The following GIGYF2 variants were observed in gnomAD, a reference collection of about 807,000 sequenced individuals.
GIGYF2 encodes GRB10-interacting GYF protein 2.
GIGYF2 carries 25 observed loss-of-function variants against 208.1 expected under a neutral mutation model. The observed-to-expected ratio is 0.12, with a 90% confidence interval of 0.09 to 0.17. The LOEUF (loss-of-function observed/expected upper bound fraction) is 0.17. Ranked by LOEUF, GIGYF2 falls within the 10% of genes least tolerant of loss-of-function variation. The probability of loss-of-function intolerance (pLI) is 1.00; values close to 1 mark genes in which losing one functional copy is unlikely to be tolerated. For synonymous variants in GIGYF2, 534 were observed against 543.8 expected (o/e 0.98, Z 0.25); for missense variants, 1,302 against 1,579.4 (o/e 0.82, Z 2.98).
chr2:232,773,811 G>A (rs1051123057), intron 8 of GIGYF2, among the ~76,000 whole-genome samples: 2 of 150,884 alleles, frequency 1.3e-5, no homozygotes, highest in Non-Finnish European at 2.9e-5. Context: ...TTAAAAACGT[G>A]TCTGGCTCCC....
At chr2:232,771,497 ACT>A (rs1277282176) in intron 8 of GIGYF2, 12 of 594,502 alleles carry the variant, frequency 2.0e-5, no homozygotes, top group African/African-American at 5.6e-5. Flanking sequence ...AACTTTGCCA[ACT>A]CTCTCGCTTT....
chr2:232,765,800 A>G (rs1056657698), intron 8 of GIGYF2: 2 of 372,630 alleles, frequency 5.4e-6, no homozygotes, highest in Non-Finnish European at 5.5e-6. Context: ...ACTTGGTAGT[A>G]TGGGCTTGTA....
chr2:232,857,334 C>T lies in GIGYF2; in HGVS notation c.*474C>T, dbSNP rs1401611422. The T allele has an allele frequency of 4.6e-6, 1 of 217,436 alleles. No homozygotes were observed. The highest frequency in any genetic ancestry group is 5.3e-5 in the Admixed American group (1 of 18,982). The allele number at this position is 217,436 out of a possible 1,614,324, so 13.5% of individuals were successfully genotyped here. A position where few individuals can be genotyped will look rare whatever the true frequency, so the allele number is the denominator to read the frequency against. On this transcript the variant is annotated 3_prime_UTR_variant, in exon 29 of 29. Transcript: ENST00000373563. ...TAACAGACATTGGCCAATAACAAAA[C>T]ACCCCATGGACTGTGACTCGAGTAT...
intron 14 of GIGYF2, among the ~76,000 whole-genome samples, chr2:232,804,547 A>G (rs1559445060): frequency 6.6e-6 from 1 of 152,038 alleles, no homozygotes; most frequent in Non-Finnish European, 1.5e-5. Flanking sequence ...GCTGGAGTGC[A>G]GTGGCGCGAT....
intron 2 of GIGYF2, among the ~76,000 whole-genome samples, chr2:232,726,414 C>G (rs1190843873): frequency 2.0e-5 from 3 of 151,400 alleles, no homozygotes; most frequent in Non-Finnish European, 2.9e-5. Context: ...CCCTTCTCCC[C>G]ACCGCCAAAT....
At chr2:232,756,690 C>A (rs1698556662) in intron 6 of GIGYF2, among the ~76,000 whole-genome samples, 1 of 152,198 alleles carries the variant, frequency 6.6e-6, no homozygotes, top group Non-Finnish European at 1.5e-5. Flanking sequence ...TACCTGCAGT[C>A]CTCTGTGACA....
chr2:232,842,068 G>A (rs1701832913), intron 23 of GIGYF2, among the ~76,000 whole-genome samples: 1 of 151,626 alleles, frequency 6.6e-6, no homozygotes, highest in Non-Finnish European at 1.5e-5. Context: ...TCAAACTCCT[G>A]AGCTCAAGCG....
chr2:232,749,189 G>A (rs1394045021), intron 5 of GIGYF2, 107 bp downstream of exon 5: 1 of 760,726 alleles, frequency 1.3e-6, no homozygotes, highest in East Asian at 2.5e-5. Context: ...CATCCTCATA[G>A]GTCTGCTTTC....
At position 232,760,472 on chromosome 2, in the gene GIGYF2, A is replaced by G; in HGVS notation, c.380-8A>G. 1 of 1,588,874 alleles carries G rather than the reference A, an allele frequency of 6.3e-7. No homozygotes were observed. The highest frequency in any genetic ancestry group is 8.6e-7 in the Non-Finnish European group (1 of 1,157,454). ...GACTATCATTTTTTTCTGTTTTCTT[A>G]TTTTCAGGCAGAGGCAGAGGTGAAT... On this transcript the variant is annotated splice_polypyrimidine_tract_variant and splice_region_variant and intron_variant, in intron 6 of 28. Transcript: ENST00000373563.
intron 8 of GIGYF2, among the ~76,000 whole-genome samples, chr2:232,780,176 G>A (rs1699663967): frequency 6.6e-6 from 1 of 152,064 alleles, no homozygotes; most frequent in Admixed American, 6.6e-5. Context: ...TTTGGCCGTG[G>A]GTCAAACATG....
chr2:232,743,790 TCA>T (rs749552218), intron 3 of GIGYF2, among the ~76,000 whole-genome samples: 10 of 152,246 alleles, frequency 6.6e-5, no homozygotes, highest in Non-Finnish European at 1.5e-4. Context: ...CCAGTTTGCC[TCA>T]GTTTCTTTTC....
At chr2:232,723,727 C>T (rs966875384) in intron 2 of GIGYF2, among the ~76,000 whole-genome samples, 841 of 65,554 alleles carry the variant, frequency 0.013, 39 homozygotes, top group Admixed American at 0.11. Flanking sequence ...TGTGCCCGGC[C>T]TTTTTTTTTT....
Position 232,858,111 on chromosome 2 carries a change from CAA to C in GIGYF2, c.*1253_*1254del, listed in dbSNP as rs1690640834. 5.0e-6 allele frequency: 1 copy of C among 200,042 alleles called. No homozygotes were observed. The highest frequency in any genetic ancestry group is 2.4e-5 in the African/African-American group (1 of 41,854). 12.4% of individuals were successfully genotyped at this position (200,042 alleles called of 1,614,324 possible). On this transcript the variant is annotated 3_prime_UTR_variant, in exon 29 of 29. Transcript: ENST00000373563. ...AATGTACTCAAGCCCTATTTATAAA[CAA>C]ATACTTTTCCTGCCTCCACCAAACC...
intron 14 of GIGYF2, among the ~76,000 whole-genome samples, chr2:232,805,866 A>G (rs933635951): frequency 7.9e-5 from 12 of 152,212 alleles, no homozygotes; most frequent in African/African-American, 2.7e-4. Flanking sequence ...ATTTATTGCC[A>G]TATCCCTACT....
chr2:232,789,867 C>A (rs1021236855), intron 9 of GIGYF2, among the ~76,000 whole-genome samples: 5 of 151,820 alleles, frequency 3.3e-5, no homozygotes, highest in African/African-American at 1.2e-4. Context: ...TAAGTAGGAT[C>A]TCTTATTATT....
intron 28 of GIGYF2, among the ~76,000 whole-genome samples, chr2:232,854,407 C>T (rs899206683): frequency 2.6e-5 from 4 of 152,132 alleles, no homozygotes; most frequent in African/African-American, 9.7e-5. Flanking sequence ...GTGGGAGGAT[C>T]GCTTCAGCCT....
At chr2:232,703,020 C>G (rs772868187) in intron 1 of GIGYF2, among the ~76,000 whole-genome samples, 1 of 152,132 alleles carries the variant, frequency 6.6e-6, no homozygotes, top group Non-Finnish European at 1.5e-5. Context: ...TTCGTGGGCT[C>G]AATCGATCAC....
At chr2:232,795,695 C>T (rs539758005) in intron 13 of GIGYF2, among the ~76,000 whole-genome samples, 1 of 152,094 alleles carries the variant, frequency 6.6e-6, no homozygotes, top group South Asian at 2.1e-4. Flanking sequence ...CCCAGGAGTT[C>T]AAGAACAGTC....
intron 8 of GIGYF2, chr2:232,766,109 C>G: frequency 2.5e-6 from 1 of 400,722 alleles, no homozygotes; most frequent in East Asian, 7.6e-5. Flanking sequence ...TAATCCTTAA[C>G]CTAGAAACTG....
Sources: gnomAD v4.1 joint callset for allele counts (sites outside exome capture counted in the v4.1 genomes callset) on GRCh38, gnomAD v4.1.1 for gene constraint, MANE v1.5 for transcripts, NCBI Gene and HGNC (gene_info 2026-07-23, HGNC 2026-07-21) for gene names.